The following UGT2B17 variants were observed in gnomAD, a reference collection of about 807,000 sequenced individuals.
UGT2B17 encodes the protein UDP-glucuronosyltransferase 2B17.
In UGT2B17, 21 loss-of-function variants were observed where a neutral mutation model predicts 48.2. The observed-to-expected ratio is 0.44, with a 90% CI of 0.31 to 0.63. The LOEUF (loss-of-function observed/expected upper bound fraction) is 0.63, where lower values mean the gene tolerates loss of function less well. Ranked by LOEUF, UGT2B17 falls within the 20% of genes least tolerant of loss-of-function variation. The pLI is 0.08. For synonymous variants in UGT2B17, 146 were observed against 238.4 expected, an observed-to-expected ratio of 0.61 and a Z score of 3.57; for missense variants, 402 against 696.1, an observed-to-expected ratio of 0.58 and a Z score of 4.75.
At position 68,558,316 on chromosome 4, in the gene UGT2B17, G is replaced by A. The variant is rs1410628947; in HGVS notation, c.1005+2221C>T. 3.2e-5 allele frequency among the ~76,000 whole-genome samples: 4 copies of A among 123,744 alleles called. 1 individual carries two copies. Among genetic ancestry groups the A allele is most frequent in the Non-Finnish European group, 6.9e-5 (4 of 58,338 alleles). 81.2% of individuals were successfully genotyped at this position (123,744 alleles called of 152,430 possible). A position where few individuals can be genotyped will look rare whatever the true frequency, so the allele number is the denominator to read the frequency against. ...TTTGGACTGAATTCTAATTTTTCAT[G>A]GCTACACGTCTTCAAAATAGTGTCT... On this transcript the variant is annotated intron_variant, in intron 4 of 6. Transcript: ENST00000317746.
chr4:68,550,199 T>G (rs1443161877), intron 6 of UGT2B17, among the ~76,000 whole-genome samples: 1 of 125,008 alleles, frequency 8.0e-6, no homozygotes, highest in Non-Finnish European at 1.7e-5. Flanking sequence ...GCTTCGTAAC[T>G]ATGTAAACAT....
intron 2 of UGT2B17, among the ~76,000 whole-genome samples, chr4:68,566,948 G>T (rs1345165881): frequency 5.4e-5 from 6 of 111,522 alleles, no homozygotes; most frequent in Admixed American, 4.9e-4. Context: ...TGAGTTTTTT[G>T]AGCTCAACAC....
chr4:68,563,649 C>G lies in UGT2B17; in HGVS notation c.873+1923G>C, dbSNP rs1471614074. 1.6e-5 allele frequency among the ~76,000 whole-genome samples: 2 copies of G among 126,106 alleles called. 1 individual carries two copies. Among genetic ancestry groups the G allele is most frequent in the Non-Finnish European group, 3.4e-5 (2 of 59,570 alleles). 82.7% of individuals were successfully genotyped at this position (126,106 alleles called of 152,430 possible). On this transcript the variant is annotated intron_variant, in intron 3 of 6. Transcript: ENST00000317746. ...CTCCTTATTCTCCTATTCTCTTCCC[C>G]CTGCTAATGGCACTATCACTTTCTT...
Position 68,542,454 on chromosome 4 carries a change from G to A in UGT2B17, c.1314-4550C>T, listed in dbSNP as rs1347507983. On this transcript the variant is annotated intron_variant, in intron 6 of 6. Transcript: ENST00000317746. ...AATAGCTTTGAATATATAAATTACT[G>A]TGGGAAGAAGCCAAGATGGCCGAAT... Among the ~76,000 whole-genome samples, 4 of 126,184 alleles carry A rather than the reference G, an allele frequency of 3.2e-5. 1 individual carries two copies. The highest frequency in any genetic ancestry group is 8.1e-5 in the Admixed American group (1 of 12,310). The allele number at this position is 126,184 out of a possible 152,430, so 82.8% of individuals were successfully genotyped here. A position where few individuals can be genotyped will look rare whatever the true frequency, so the allele number is the denominator to read the frequency against.
intron 6 of UGT2B17, among the ~76,000 whole-genome samples, chr4:68,540,043 C>A (rs1435481508): frequency 8.1e-6 from 1 of 123,834 alleles, no homozygotes; most frequent in Non-Finnish European, 1.7e-5. Context: ...ACCTTGGCCT[C>A]CCAAAGTGTT....
rs1730979364 is a variant in UGT2B17 at position 68,555,144 on chromosome 4, TAA to T, written c.1006-3235_1006-3234del. Among the ~76,000 whole-genome samples, 2 of 125,990 alleles carry T rather than the reference TAA, an allele frequency of 1.6e-5. 1 individual carries two copies. 82.7% of individuals were successfully genotyped at this position (125,990 alleles called of 152,430 possible). On this transcript the variant is annotated intron_variant, in intron 4 of 6. Coordinates refer to ENST00000317746, the MANE Select transcript of UGT2B17 (RefSeq NM_001077.4). Reference sequence around the variant, plus strand: ...AAGTATGATAATATTAGAAATGCATTAAGACTTGCCAGCATACATTTTTGTTT... The same window carrying T: ...AAGTATGATAATATTAGAAATGCATTGACTTGCCAGCATACATTTTTGTTT...
intron 4 of UGT2B17, among the ~76,000 whole-genome samples, chr4:68,555,512 G>A (rs1484846310): frequency 1.6e-5 from 2 of 125,628 alleles, no homozygotes; most frequent in Non-Finnish European, 3.4e-5. Context: ...AAATAAACAC[G>A]GAGAGCTTGG....
chr4:68,544,548 A>T lies in UGT2B17; in HGVS notation c.1313+6129T>A, dbSNP rs1730755334. ...AAAACGGCATCAACTATCGAGCAAA[A>T]CAATCAGCTAACATCATAATGACAG... On this transcript the variant is annotated intron_variant, in intron 6 of 6. Coordinates refer to ENST00000317746, the MANE Select transcript of UGT2B17 (RefSeq NM_001077.4). Among the ~76,000 whole-genome samples, 2 of 125,688 alleles carry T rather than the reference A, an allele frequency of 1.6e-5. 1 individual carries two copies. The highest frequency in any genetic ancestry group is 5.4e-5 in the African/African-American group (2 of 36,856). 82.5% of individuals were successfully genotyped at this position (125,688 alleles called of 152,430 possible).
At chr4:68,555,435 A>G (rs1220726301) in intron 4 of UGT2B17, among the ~76,000 whole-genome samples, 1 of 126,556 alleles carries the variant, frequency 7.9e-6, no homozygotes, top group African/African-American at 2.7e-5. Context: ...AAAGACTGTT[A>G]TCATTTTTAT....
rs1479703375 is a variant in UGT2B17, at chr4:68,550,084, GAAAC to G, written c.1313+589_1313+592del. On this transcript the variant is annotated intron_variant, in intron 6 of 6. Coordinates refer to ENST00000317746, the MANE Select transcript of UGT2B17 (RefSeq NM_001077.4). ...ATATGTGAAGAGAATAATCTATTGA[GAAAC>G]AAAGTAAGTCGGTATTTTTCTAGGA... is the stretch of plus-strand genomic sequence containing the variant. Among the ~76,000 whole-genome samples the G allele has an allele frequency of 2.2e-4, 27 of 125,366 alleles. 4 individuals carry two copies. The highest frequency in any genetic ancestry group is 2.0e-3 in the Admixed American group (24 of 12,142). 82.2% of individuals were successfully genotyped at this position (125,366 alleles called of 152,430 possible).
intron 6 of UGT2B17, among the ~76,000 whole-genome samples, chr4:68,548,955 C>G (rs1443318234): frequency 8.0e-6 from 1 of 125,226 alleles, no homozygotes; most frequent in Non-Finnish European, 1.7e-5. Flanking sequence ...CAAATAGAGA[C>G]AATTTAACTT....
At chr4:68,554,429 CTCT>C (rs1730967025) in intron 4 of UGT2B17, among the ~76,000 whole-genome samples, 1 of 125,414 alleles carries the variant, frequency 8.0e-6, no homozygotes, top group Non-Finnish European at 1.7e-5. Context: ...CCTAAGTTCT[CTCT>C]TTTTTAAAAA....
intron 4 of UGT2B17, among the ~76,000 whole-genome samples, chr4:68,554,514 A>G (rs4860305): frequency 0.25 from 31,322 of 124,150 alleles, 10,129 homozygotes; most frequent in Admixed American, 0.39. Flanking sequence ...TTGATTCAAC[A>G]GGTTTTTGTC....
At chr4:68,539,819 C>A (rs2109757495) in intron 6 of UGT2B17, among the ~76,000 whole-genome samples, 1 of 102,774 alleles carries the variant, frequency 9.7e-6, no homozygotes, top group East Asian at 1.0e-3. Context: ...GAGTCTCTCT[C>A]TGTCACCCAG....
chr4:68,552,089 A>C (rs1730926090), intron 4 of UGT2B17, among the ~76,000 whole-genome samples, 178 bp from the exon 5 acceptor site: 1 of 126,980 alleles, frequency 7.9e-6, no homozygotes, highest in African/African-American at 2.7e-5. Context: ...CCCACATTTA[A>C]TATCTTTACT....
rs373441916 is a variant in UGT2B17 at position 68,545,353 on chromosome 4, T to A, written c.1313+5324A>T. On this transcript the variant is annotated intron_variant, in intron 6 of 6. Coordinates refer to ENST00000317746, the MANE Select transcript of UGT2B17 (RefSeq NM_001077.4). ...GGTACATAATGAAATGAAGGCAGAATTAAAGATGTTCTTTGAAACCAACGA... is the reference window on the plus strand; with the variant it reads ...GGTACATAATGAAATGAAGGCAGAAATAAAGATGTTCTTTGAAACCAACGA... Among the ~76,000 whole-genome samples, 11 of 125,686 alleles carry A rather than the reference T, an allele frequency of 8.8e-5. 2 individuals carry two copies. Among genetic ancestry groups the A allele is most frequent in the Admixed American group, 7.3e-4 (9 of 12,338 alleles). 82.5% of individuals were successfully genotyped at this position (125,686 alleles called of 152,430 possible). A position where few individuals can be genotyped will look rare whatever the true frequency, so the allele number is the denominator to read the frequency against.
intron 6 of UGT2B17, among the ~76,000 whole-genome samples, chr4:68,548,264 T>C (rs60767193): frequency 0.051 from 6,357 of 125,720 alleles, 1,504 homozygotes; most frequent in African/African-American, 0.16. Context: ...GATGAGTTCA[T>C]GTCCTTTGCA....
In UGT2B17 at chr4:68,555,665, G is replaced by A. The variant is rs572625014; in HGVS notation, c.1006-3754C>T. On this transcript the variant is annotated intron_variant, in intron 4 of 6. Transcript: ENST00000317746. ...TAAATGACTAAATAATTAGGTAAATGTAATGGGATAAATACTTATAGACAA... is the reference window on the plus strand; with the variant it reads ...TAAATGACTAAATAATTAGGTAAATATAATGGGATAAATACTTATAGACAA... Among the ~76,000 whole-genome samples, 216 of 125,266 alleles carry A rather than the reference G, an allele frequency of 1.7e-3. 44 individuals carry two copies. Among genetic ancestry groups the A allele is most frequent in the Non-Finnish European group, 3.1e-3 (183 of 59,126 alleles). The allele number at this position is 125,266 out of a possible 152,430, so 82.2% of individuals were successfully genotyped here.
intron 6 of UGT2B17, among the ~76,000 whole-genome samples, chr4:68,548,186 C>T (rs1280373480): frequency 1.6e-5 from 2 of 126,518 alleles, no homozygotes; most frequent in Non-Finnish European, 3.4e-5. Context: ...AAATGTCCAA[C>T]AATGATAGAC....
Sources: allele counts gnomAD v4.1 joint callset (sites outside exome capture counted in the v4.1 genomes callset), GRCh38; gene constraint gnomAD v4.1.1; transcripts MANE v1.5; gene names NCBI Gene and HGNC (gene_info 2026-07-23, HGNC 2026-07-21).